Variants in GALNT18 observed in about 807,000 individuals in gnomAD.
The protein encoded by GALNT18 is polypeptide N-acetylgalactosaminyltransferase 18, also known as GalNAc-transferase 18.
A neutral mutation model predicts 69.5 loss-of-function variants in GALNT18; 44 were observed. That is an observed-to-expected ratio of 0.63 (90% confidence interval 0.50 to 0.81). GALNT18 has a LOEUF of 0.81. GALNT18 is among the 40% of genes least tolerant of loss of function. The pLI is 0.00. For missense variants in GALNT18, 715 were observed against 810.0 expected (o/e 0.88, Z 1.42); for synonymous variants, 364 against 318.2 (o/e 1.14, Z -1.53).
chr11:11,584,796 T>C lies in GALNT18; in HGVS notation c.235+36563A>G, dbSNP rs1445591968. Among the ~76,000 whole-genome samples, 2 of 152,222 alleles carry C rather than the reference T, an allele frequency of 1.3e-5. No homozygotes were observed. Among genetic ancestry groups the C allele is most frequent in the African/African-American group, 4.8e-5 (2 of 41,448 alleles). On this transcript the variant is annotated intron_variant, in intron 1 of 10. Coordinates refer to ENST00000227756, the MANE Select transcript of GALNT18 (RefSeq NM_198516.3). This position sits in a 1 kb window ranked among gnomAD's most constrained non-coding sequence, Gnocchi z 4.1. ...TTTTTCATGAAACACTATTTTCACT[T>C]AAAAGAACAACTGATGAACAAATCA...
intron 6 of GALNT18, among the ~76,000 whole-genome samples, chr11:11,361,454 G>T (rs1288220573): frequency 6.6e-6 from 1 of 152,196 alleles, no homozygotes; most frequent in African/African-American, 2.4e-5. Flanking sequence ...ACTTAGGACA[G>T]TATCTCACAT....
chr11:11,290,426 C>T (rs1013458116), intron 10 of GALNT18, among the ~76,000 whole-genome samples: 2 of 152,178 alleles, frequency 1.3e-5, no homozygotes, highest in Non-Finnish European at 2.9e-5. Flanking sequence ...GTTACATATC[C>T]TTATCTCCCA....
intron 6 of GALNT18, among the ~76,000 whole-genome samples, chr11:11,361,085 T>G (rs1224176555): frequency 6.6e-6 from 1 of 152,212 alleles, no homozygotes; most frequent in African/African-American, 2.4e-5. Flanking sequence ...CCAGCTAGGC[T>G]GAGAGCCACT....
At chr11:11,518,543 C>T (rs1173425127) in intron 1 of GALNT18, among the ~76,000 whole-genome samples, 1 of 152,144 alleles carries the variant, frequency 6.6e-6, no homozygotes, top group African/African-American at 2.4e-5. Flanking sequence ...ACTAAAAAAT[C>T]TGAGGGTGGA....
At chr11:11,289,419 G>A (rs867916638) in intron 10 of GALNT18, among the ~76,000 whole-genome samples, 4 of 152,200 alleles carry the variant, frequency 2.6e-5, no homozygotes, top group Middle Eastern at 3.2e-3. Flanking sequence ...CCCAGTCACC[G>A]AAGAGCCTTG....
chr11:11,584,536 G>A lies in GALNT18; in HGVS notation c.235+36823C>T, dbSNP rs371159869. On this transcript the variant is annotated intron_variant, in intron 1 of 10. Coordinates refer to ENST00000227756, the MANE Select transcript of GALNT18 (RefSeq NM_198516.3). This position sits in a 1 kb window ranked among gnomAD's most constrained non-coding sequence, Gnocchi z 4.1. ...AAGCACGTCTGAACACGTAAGGACC[G>A]AGAGGCGAGTCTTCAGTGAAACACC... 1.3e-5 allele frequency among the ~76,000 whole-genome samples: 2 copies of A among 152,156 alleles called. No individual in the cohort carries two copies. Among genetic ancestry groups the A allele is most frequent in the Non-Finnish European group, 2.9e-5 (2 of 68,036 alleles).
At chr11:11,407,164 A>T (rs1854607354) in intron 3 of GALNT18, among the ~76,000 whole-genome samples, 1 of 152,200 alleles carries the variant, frequency 6.6e-6, no homozygotes, top group African/African-American at 2.4e-5. Context: ...ATAGGCAGAG[A>T]CAATGTGTTC....
intron 1 of GALNT18, 141 bp from the exon 2 acceptor site, chr11:11,449,077 T>G: frequency 1.5e-6 from 1 of 661,066 alleles, no homozygotes; most frequent in Non-Finnish European, 2.5e-6. Flanking sequence ...ACTTGGGTTT[T>G]CATGCTTCCC....
chr11:11,565,661 A>C (rs1271999798), intron 1 of GALNT18, among the ~76,000 whole-genome samples: 2 of 152,228 alleles, frequency 1.3e-5, no homozygotes, highest in Admixed American at 6.5e-5. Flanking sequence ...TTAGGCACCA[A>C]GGAGACACAG....
chr11:11,335,589 A>G (rs891850795), intron 7 of GALNT18, among the ~76,000 whole-genome samples: 1 of 152,226 alleles, frequency 6.6e-6, no homozygotes, highest in African/African-American at 2.4e-5. Flanking sequence ...ATGGGACTTA[A>G]TTTGGAACCA....
In GALNT18 at chr11:11,603,847, G is replaced by T. The variant is rs760855727; in HGVS notation, c.235+17512C>A. ...ATAAATGTGTCTTATGCATATATGT[G>T]TAACCACTTGCCATGATCTAAATGT... On this transcript the variant is annotated intron_variant, in intron 1 of 10. Coordinates refer to ENST00000227756, the MANE Select transcript of GALNT18 (RefSeq NM_198516.3). This position sits in a 1 kb window ranked among gnomAD's most constrained non-coding sequence, Gnocchi z 4.5. Among the ~76,000 whole-genome samples, 2 of 152,142 alleles carry T rather than the reference G, an allele frequency of 1.3e-5. No homozygotes were observed. Among genetic ancestry groups the T allele is most frequent in the African/African-American group, 4.8e-5 (2 of 41,426 alleles).
At chr11:11,296,751 G>C (rs1849409097) in intron 9 of GALNT18, among the ~76,000 whole-genome samples, 1 of 152,104 alleles carries the variant, frequency 6.6e-6, no homozygotes, top group South Asian at 2.1e-4. Context: ...AATCATAATG[G>C]GGCAGACGAT....
intron 1 of GALNT18, among the ~76,000 whole-genome samples, chr11:11,457,378 T>G (rs575064803): frequency 6.6e-6 from 1 of 152,370 alleles, no homozygotes; most frequent in East Asian, 1.9e-4. Flanking sequence ...ATAGAAATTC[T>G]GAGGTGCTGG....
chr11:11,497,370 A>ACACACACACAC lies in GALNT18; in HGVS notation c.236-48435_236-48434insGTGTGTGTGTG, dbSNP rs1388394076. ...CACACACACACACACACACACACAC[A>ACACACACACAC]CCCCTTAGAATGGGGCTCCTTAAGA... On this transcript the variant is annotated intron_variant, in intron 1 of 10. Transcript: ENST00000227756. This position sits in a 1 kb window ranked among gnomAD's most constrained non-coding sequence, Gnocchi z 4.2. 7.4e-6 allele frequency among the ~76,000 whole-genome samples: 1 copy of ACACACACACAC among 134,622 alleles called. No individual in the cohort carries two copies. Among genetic ancestry groups the ACACACACACAC allele is most frequent in the Non-Finnish European group, 1.6e-5 (1 of 63,850 alleles). The allele number at this position is 134,622 out of a possible 152,430, so 88.3% of individuals were successfully genotyped here. A position where few individuals can be genotyped will look rare whatever the true frequency, so the allele number is the denominator to read the frequency against.
intron 9 of GALNT18, among the ~76,000 whole-genome samples, chr11:11,304,014 A>G (rs1490093186): frequency 3.9e-5 from 6 of 152,050 alleles, no homozygotes; most frequent in Non-Finnish European, 7.4e-5. Context: ...ATGCTCTGGG[A>G]CTCTGCCACC....
At chr11:11,492,433 G>A (rs867706009) in intron 1 of GALNT18, among the ~76,000 whole-genome samples, 13 of 152,214 alleles carry the variant, frequency 8.5e-5, no homozygotes, top group African/African-American at 3.1e-4. Context: ...ACAGAGAAAA[G>A]CACAGGGTTA....
intron 8 of GALNT18, among the ~76,000 whole-genome samples, chr11:11,328,203 T>C (rs1001341592): frequency 1.3e-5 from 2 of 152,212 alleles, no homozygotes; most frequent in African/African-American, 4.8e-5. Flanking sequence ...GCGGCTTCAG[T>C]GGCTTCCCTG....
chr11:11,316,104 G>C (rs1849748284), intron 9 of GALNT18, among the ~76,000 whole-genome samples: 1 of 152,184 alleles, frequency 6.6e-6, no homozygotes, highest in African/African-American at 2.4e-5. Context: ...AGCTGCAGGA[G>C]TGTACGAGGC....
chr11:11,499,639 C>T (rs1169699119), intron 1 of GALNT18, among the ~76,000 whole-genome samples: 2 of 152,226 alleles, frequency 1.3e-5, no homozygotes, highest in Admixed American at 6.5e-5. Flanking sequence ...CAGCCCTGAC[C>T]TCCAGGAACC....
Sources: allele counts gnomAD v4.1 joint callset (sites outside exome capture counted in the v4.1 genomes callset), GRCh38; gene constraint gnomAD v4.1.1; non-coding constraint Gnocchi (gnomAD v3.1); transcripts MANE v1.5; gene names NCBI Gene and HGNC (gene_info 2026-07-23, HGNC 2026-07-21).